Variants in INPP4A observed in about 807,000 individuals in gnomAD.
INPP4A encodes inositol polyphosphate-4-phosphatase, type I, 107kD.
A neutral mutation model predicts 119.8 loss-of-function variants in INPP4A; 33 were observed. The observed-to-expected ratio is 0.28, with a 90% CI of 0.21 to 0.37. INPP4A has a LOEUF of 0.37. Ranked by LOEUF, INPP4A falls within the 10% of genes least tolerant of loss-of-function variation. The pLI, the probability that INPP4A is intolerant of heterozygous loss-of-function variation, is 1.00. For missense variants in INPP4A, 956 were observed against 1,289.9 expected, an observed-to-expected ratio of 0.74 and a Z score of 3.97; for synonymous variants, 496 against 500.7, an observed-to-expected ratio of 0.99 and a Z score of 0.12.
chr2:98,533,092 A>T (rs879442898), intron 4 of INPP4A, among the ~76,000 whole-genome samples: 3 of 152,116 alleles, frequency 2.0e-5, no homozygotes, highest in Non-Finnish European at 4.4e-5. Context: ...GACCTATATG[A>T]GATTTCTGGC....
chr2:98,456,578 A>G (rs952668374), intron 1 of INPP4A, among the ~76,000 whole-genome samples: 6 of 152,334 alleles, frequency 3.9e-5, no homozygotes, highest in East Asian at 1.9e-4. Context: ...GCATCAAGCA[A>G]TCCTCCTGCC....
chr2:98,513,939 G>T (rs1296261342), intron 1 of INPP4A, among the ~76,000 whole-genome samples: 1 of 152,200 alleles, frequency 6.6e-6, no homozygotes, highest in Admixed American at 6.5e-5. Flanking sequence ...TCAAGAATTG[G>T]TGGCCCTGAA....
Position 98,463,729 on chromosome 2 carries a change from C to T in INPP4A, c.-166+18644C>T, listed in dbSNP as rs1271570792. Among the ~76,000 whole-genome samples the T allele has an allele frequency of 3.9e-5, 6 of 152,226 alleles. No homozygotes were observed. The East Asian group carries it at 9.6e-4, about 24-fold the overall frequency. Reference sequence around the variant, plus strand: ...GGCTCACAGGCATGTGCCTGCGAGACTGCTTACAAGCCCCTGTGCGGGATT... The same window carrying T: ...GGCTCACAGGCATGTGCCTGCGAGATTGCTTACAAGCCCCTGTGCGGGATT... On this transcript the variant is annotated intron_variant, in intron 1 of 24. Coordinates refer to ENST00000409851, the MANE Select transcript of INPP4A (RefSeq NM_001134225.2).
At chr2:98,476,038 C>T (rs1677138342) in intron 1 of INPP4A, among the ~76,000 whole-genome samples, 1 of 152,150 alleles carries the variant, frequency 6.6e-6, no homozygotes, top group African/African-American at 2.4e-5. Context: ...GGTAACAAGT[C>T]TTTGCAATGT....
chr2:98,462,449 AAAAT>A (rs749250455), intron 1 of INPP4A, among the ~76,000 whole-genome samples: 20 of 152,308 alleles, frequency 1.3e-4, no homozygotes, highest in South Asian at 4.1e-4. Context: ...CTCTGTCTCA[AAAAT>A]AAATAAATAA....
intron 4 of INPP4A, chr2:98,521,255 G>A (rs903365093): frequency 6.5e-6 from 1 of 152,700 alleles, no homozygotes; most frequent in East Asian, 1.9e-4. Flanking sequence ...AATGTGCTGA[G>A]TCTGGGGTCA....
chr2:98,524,126 T>C (rs1410504566), intron 4 of INPP4A, among the ~76,000 whole-genome samples: 3 of 152,236 alleles, frequency 2.0e-5, no homozygotes, highest in African/African-American at 7.2e-5. Flanking sequence ...AATCTGCCAT[T>C]ATAAACACTA....
intron 1 of INPP4A, among the ~76,000 whole-genome samples, chr2:98,475,824 G>GA (rs1345808339): frequency 4.6e-5 from 7 of 152,110 alleles, no homozygotes; most frequent in African/African-American, 1.7e-4. Context: ...GGGGCGGGGG[G>GA]AGCCTGTGTG....
chr2:98,543,957 C>T lies in INPP4A; in HGVS notation c.899C>T (p.Thr300Ile). Residue 300 changes from threonine to isoleucine, a missense_variant, in exon 11 of 25, where the codon ACC becomes ATC. By Grantham distance (89) the Thr-to-Ile change is moderately conservative. Coordinates refer to ENST00000409851, the MANE Select transcript of INPP4A (RefSeq NM_001134225.2). ...CGCCAAATTGTCACCCAGTACCAGACCATCATCCTCACATACCAGGAGAAC... is the reference window on the plus strand; with the variant it reads ...CGCCAAATTGTCACCCAGTACCAGATCATCATCCTCACATACCAGGAGAAC... ...LRRQIVTQYQ[T>I]IILTYQENLT... 6.3e-7 allele frequency: 1 copy of T among 1,594,084 alleles called. No individual in the cohort carries two copies. Among genetic ancestry groups the T allele is most frequent in the South Asian group, 1.1e-5 (1 of 87,978 alleles).
intron 4 of INPP4A, among the ~76,000 whole-genome samples, chr2:98,531,458 A>T (rs1365662322): frequency 6.6e-6 from 1 of 152,226 alleles, no homozygotes; most frequent in Non-Finnish European, 1.5e-5. Context: ...AAGAAGGAAC[A>T]CAGAAAAGGG....
intron 10 of INPP4A, among the ~76,000 whole-genome samples, chr2:98,543,094 T>A (rs1216692147): frequency 6.6e-6 from 1 of 152,152 alleles, no homozygotes; most frequent in Non-Finnish European, 1.5e-5. Flanking sequence ...TAATTTTTTG[T>A]ATTTTTTAGT....
At position 98,513,366 on chromosome 2, in the gene INPP4A, G is replaced by A. The variant is rs145718804; in HGVS notation, c.-165-5598G>A. Among the ~76,000 whole-genome samples the A allele has an allele frequency of 1.1e-3, 171 of 152,292 alleles. 1 individual carries two copies. The highest frequency in any genetic ancestry group is 3.9e-3 in the African/African-American group (163 of 41,538). ...GTGTGTTCTCATCTCATGGTCACAC[G>A]CTCTTCTTCTCATACCTGTTTTATC... is the stretch of plus-strand genomic sequence containing the variant. On this transcript the variant is annotated intron_variant, in intron 1 of 24. Transcript: ENST00000409851.
At chr2:98,472,088 C>T (rs1380799657) in intron 1 of INPP4A, among the ~76,000 whole-genome samples, 2 of 152,192 alleles carry the variant, frequency 1.3e-5, no homozygotes, top group Non-Finnish European at 2.9e-5. Flanking sequence ...TTTTGATCTC[C>T]CATGTGACTC....
At chr2:98,504,722 G>A (rs534320683) in intron 1 of INPP4A, among the ~76,000 whole-genome samples, 4 of 152,180 alleles carry the variant, frequency 2.6e-5, no homozygotes, top group Non-Finnish European at 5.9e-5. Flanking sequence ...TGACACTTGC[G>A]AATTAGAAGG....
Position 98,469,393 on chromosome 2 carries a change from C to T in INPP4A, c.-166+24308C>T, listed in dbSNP as rs567030327. 3.0e-4 allele frequency among the ~76,000 whole-genome samples: 46 copies of T among 151,618 alleles called. No individual in the cohort carries two copies. The South Asian group carries it at 9.4e-3, about 31-fold the overall frequency. On this transcript the variant is annotated intron_variant, in intron 1 of 24. Coordinates refer to ENST00000409851, the MANE Select transcript of INPP4A (RefSeq NM_001134225.2). ...GCATGCGCCTGTAATCCCAGCTTCT[C>T]GGGAGGCTGAGGCAAGGAATGGCTT... is the stretch of plus-strand genomic sequence containing the variant.
chr2:98,495,843 C>T lies in INPP4A; in HGVS notation c.-165-23121C>T, dbSNP rs964413653. 3.9e-5 allele frequency among the ~76,000 whole-genome samples: 6 copies of T among 152,238 alleles called. No homozygotes were observed. In the East Asian group the frequency reaches 1.2e-3, roughly 29 times the overall value. On this transcript the variant is annotated intron_variant, in intron 1 of 24. Coordinates refer to ENST00000409851, the MANE Select transcript of INPP4A (RefSeq NM_001134225.2). ...GCCAGACTCTTAGTTAATTCTCTCC[C>T]GGGTCAGGAAAAAGACCTGGAAAGG... is the stretch of plus-strand genomic sequence containing the variant.
At chr2:98,470,032 A>C (rs147764697) in intron 1 of INPP4A, among the ~76,000 whole-genome samples, 1,582 of 152,322 alleles carry the variant, frequency 0.01, 43 homozygotes, top group African/African-American at 0.036. Flanking sequence ...CTGATGTGAA[A>C]GGGCCAACGC....
intron 1 of INPP4A, among the ~76,000 whole-genome samples, chr2:98,453,218 G>A (rs1450202477): frequency 3.9e-5 from 6 of 152,144 alleles, no homozygotes; most frequent in African/African-American, 9.7e-5. Context: ...TAAAAATAAC[G>A]TTTAGGAGTA....
chr2:98,588,069 A>G lies in INPP4A; in HGVS notation c.*461A>G, dbSNP rs1445012141. 1 of 214,326 alleles carries G rather than the reference A, an allele frequency of 4.7e-6. No homozygotes were observed. Among genetic ancestry groups the G allele is most frequent in the Non-Finnish European group, 9.4e-6 (1 of 106,306 alleles). The allele number at this position is 214,326 out of a possible 1,614,324, so 13.3% of individuals were successfully genotyped here. On this transcript the variant is annotated 3_prime_UTR_variant, in exon 25 of 25. Transcript: ENST00000409851. ...TAAATTAAATAATTGGATCCTAGGC[A>G]TACCAATAAATGTTATTTGGGGAAA... is the stretch of plus-strand genomic sequence containing the variant.
Sources: gnomAD v4.1 joint callset for allele counts (sites outside exome capture counted in the v4.1 genomes callset) on GRCh38, gnomAD v4.1.1 for gene constraint, MANE v1.5 for transcripts, NCBI Gene and HGNC (gene_info 2026-07-23, HGNC 2026-07-21) for gene names.